The following AIM2 variants were observed in gnomAD, a reference collection of about 807,000 sequenced individuals.
The protein encoded by AIM2 is interferon-inducible protein AIM2.
Under a neutral mutation model 27.7 loss-of-function variants are expected in AIM2, and 30 were observed. That is an observed-to-expected ratio of 1.08 (90% CI 0.81 to 1.47). The LOEUF (loss-of-function observed/expected upper bound fraction) is 1.47, where lower values mean the gene tolerates loss of function less well. Among genes scored for constraint, AIM2 ranks in the 40% most tolerant of loss-of-function variants. AIM2 has a pLI of 0.00. For missense variants in AIM2, 358 were observed against 411.3 expected (o/e 0.87, Z 1.12); for synonymous variants, 141 against 145.3 (o/e 0.97, Z 0.21).
chr1:159,097,136 C>T (rs575242579), intron 1 of AIM2, among the ~76,000 whole-genome samples: 9 of 152,070 alleles, frequency 5.9e-5, no homozygotes, highest in Non-Finnish European at 1.3e-4. Flanking sequence ...TCAGGCAAAC[C>T]GCTAAGTCTT....
At chr1:159,118,084 C>A (rs1209396393) in intron 1 of AIM2, among the ~76,000 whole-genome samples, 2 of 152,096 alleles carry the variant, frequency 1.3e-5, no homozygotes, top group Admixed American at 6.6e-5. Context: ...CCAGAAACAT[C>A]AAAAATATCT....
At chr1:159,105,930 G>A (rs1336790820) in intron 1 of AIM2, among the ~76,000 whole-genome samples, 3 of 152,068 alleles carry the variant, frequency 2.0e-5, no homozygotes, top group Non-Finnish European at 4.4e-5. Flanking sequence ...TTGAAGATGG[G>A]GCTTCACTGA....
At chr1:159,119,905 A>T in intron 1 of AIM2, among the ~76,000 whole-genome samples, 1 of 152,102 alleles carries the variant, frequency 6.6e-6, no homozygotes, top group East Asian at 1.9e-4. Flanking sequence ...CTTATAGATT[A>T]TATGTAGATA....
intron 1 of AIM2, among the ~76,000 whole-genome samples, chr1:159,095,821 G>A (rs1482411690): frequency 6.6e-6 from 1 of 152,164 alleles, no homozygotes; most frequent in African/African-American, 2.4e-5. Context: ...CTGAAAAGGA[G>A]AGCCTCAAAA....
At chr1:159,084,242 A>G (rs1332841504) in intron 1 of AIM2, among the ~76,000 whole-genome samples, 1 of 151,974 alleles carries the variant, frequency 6.6e-6, no homozygotes, top group Non-Finnish European at 1.5e-5. Flanking sequence ...TAATTTATAT[A>G]TTCTATATAA....
At chr1:159,064,245 T>A (rs927734687) in intron 4 of AIM2, among the ~76,000 whole-genome samples, 2 of 152,128 alleles carry the variant, frequency 1.3e-5, no homozygotes, top group African/African-American at 4.8e-5. Context: ...ATCTAATAGA[T>A]GTTAGCAAGT....
intron 1 of AIM2, among the ~76,000 whole-genome samples, chr1:159,126,464 G>A (rs567961337): frequency 4.6e-5 from 7 of 151,984 alleles, no homozygotes; most frequent in Non-Finnish European, 1.0e-4. Flanking sequence ...TGGCTAACAC[G>A]GTGAAACCCT....
chr1:159,055,912 TAATGACCCTTAG>T, the AIM2 span, among the ~76,000 whole-genome samples: 1 of 152,176 alleles, frequency 6.6e-6, no homozygotes, highest in South Asian at 2.1e-4. Flanking sequence ...GTCACTTTCT[TAATGACCCTTAG>T]ATGGTAAATT....
intron 1 of AIM2, among the ~76,000 whole-genome samples, chr1:159,126,317 G>A (rs1647684310): frequency 2.0e-5 from 3 of 152,234 alleles, no homozygotes; most frequent in Middle Eastern, 6.8e-3. Flanking sequence ...AGTTTGCAAA[G>A]TCTCTGGTAT....
intron 1 of AIM2, among the ~76,000 whole-genome samples, chr1:159,133,120 A>G (rs1425154014): frequency 6.6e-6 from 1 of 152,134 alleles, no homozygotes; most frequent in Non-Finnish European, 1.5e-5. Flanking sequence ...TGGCACTCTG[A>G]TCCCCTATCA....
chr1:159,064,583 A>G (rs1333737173), intron 4 of AIM2, among the ~76,000 whole-genome samples: 2 of 152,220 alleles, frequency 1.3e-5, no homozygotes, highest in Non-Finnish European at 2.9e-5. Context: ...CTCTTGCCTC[A>G]GCCTCCCGAG....
upstream of AIM2, among the ~76,000 whole-genome samples, chr1:159,141,984 G>C (rs778895421): frequency 2.0e-5 from 3 of 152,116 alleles, no homozygotes; most frequent in African/African-American, 7.2e-5. Context: ...GGGATGATAC[G>C]AAAATCTCTC....
intron 1 of AIM2, among the ~76,000 whole-genome samples, chr1:159,092,633 C>A (rs1392468944): frequency 6.6e-6 from 1 of 152,130 alleles, no homozygotes; most frequent in Non-Finnish European, 1.5e-5. Context: ...GGAATAGGAA[C>A]AATTGTACCT....
intron 1 of AIM2, among the ~76,000 whole-genome samples, chr1:159,119,369 A>G (rs1647469256): frequency 6.6e-6 from 1 of 152,134 alleles, no homozygotes; most frequent in Non-Finnish European, 1.5e-5. Flanking sequence ...TGTGGCAAAT[A>G]ATCTTATATT....
At chr1:159,087,573 CTTTTT>C (rs55908329) in intron 1 of AIM2, among the ~76,000 whole-genome samples, 2 of 116,812 alleles carry the variant, frequency 1.7e-5, no homozygotes, top group African/African-American at 2.8e-5. Flanking sequence ...TGGATAAAGT[CTTTTT>C]TTTTTTTTTT....
chr1:159,055,422 A>T, the AIM2 span, among the ~76,000 whole-genome samples: 1 of 152,216 alleles, frequency 6.6e-6, no homozygotes, highest in Non-Finnish European at 1.5e-5. Context: ...AGAGCAGTAG[A>T]TATCTTTTCA....
At chr1:159,108,213 G>C (rs1255852496) in intron 1 of AIM2, among the ~76,000 whole-genome samples, 1 of 152,166 alleles carries the variant, frequency 6.6e-6, no homozygotes, top group African/African-American at 2.4e-5. Context: ...CCACGTTCAA[G>C]TGGGTTTCAT....
At chr1:159,105,696 G>A (rs1489691938) in intron 1 of AIM2, among the ~76,000 whole-genome samples, 3 of 152,162 alleles carry the variant, frequency 2.0e-5, no homozygotes, top group African/African-American at 4.8e-5. Context: ...ATGAGCTGAG[G>A]AGACCCGAAT....
intron 1 of AIM2, among the ~76,000 whole-genome samples, chr1:159,091,408 C>G (rs1031401861): frequency 1.1e-4 from 16 of 152,160 alleles, no homozygotes; most frequent in Non-Finnish European, 5.9e-5. Flanking sequence ...TCTGCCTTTC[C>G]CTTTACTTAT....
Sources: allele counts gnomAD v4.1 joint callset (sites outside exome capture counted in the v4.1 genomes callset), GRCh38; gene constraint gnomAD v4.1.1; transcripts MANE v1.5; gene names NCBI Gene and HGNC (gene_info 2026-07-23, HGNC 2026-07-21).